NTM: variants seen among roughly 807,000 people sequenced by gnomAD.
The protein encoded by NTM is neurotrimin, also known as IgLON family member 2.
Under a neutral mutation model 42.1 loss-of-function variants are expected in NTM, and 13 were observed. That is an observed-to-expected ratio of 0.31 (90% CI 0.20 to 0.49). The LOEUF (loss-of-function observed/expected upper bound fraction) is 0.49, where lower values mean the gene tolerates loss of function less well. Ranked by LOEUF, NTM falls within the 20% of genes least tolerant of loss-of-function variation. The pLI is 0.99. For synonymous variants in NTM, 187 were observed against 179.2 expected (o/e 1.04, Z -0.35); for missense variants, 373 against 452.8 (o/e 0.82, Z 1.60).
At chr11:132,131,031 T>C (rs2066724721) in intron 2 of NTM, among the ~76,000 whole-genome samples, 1 of 152,244 alleles carries the variant, frequency 6.6e-6, no homozygotes, top group Non-Finnish European at 1.5e-5. Flanking sequence ...CATGCTGTCA[T>C]GTGCAAGGAA....
In NTM at chr11:132,002,408, G is replaced by A. The variant is rs540479935; in HGVS notation, c.167+90760G>A. Among the ~76,000 whole-genome samples, 1 of 152,284 alleles carries A rather than the reference G, an allele frequency of 6.6e-6. No homozygotes were observed. Among genetic ancestry groups the A allele is most frequent in the East Asian group, 1.9e-4 (1 of 5,186 alleles). ...CAACTGAGTTGGGAAGGTAACAGAA[G>A]GGGAAATTTTGGTTGAATAGGATAA... On this transcript the variant is annotated intron_variant, in intron 2 of 8. Transcript: ENST00000683400. This position sits in a 1 kb window ranked among gnomAD's most constrained non-coding sequence, Gnocchi z 4.5.
intron 1 of NTM, among the ~76,000 whole-genome samples, chr11:131,451,811 T>C (rs1434689932): frequency 6.6e-6 from 1 of 150,980 alleles, no homozygotes; most frequent in Admixed American, 6.6e-5. Flanking sequence ...AGGGCATGAG[T>C]GAAGGAGAGA....
chr11:131,674,602 G>T (rs1198981632), intron 1 of NTM, among the ~76,000 whole-genome samples: 1 of 152,200 alleles, frequency 6.6e-6, no homozygotes, highest in African/African-American at 2.4e-5. Flanking sequence ...GTCATTCATT[G>T]CTATGATTGT....
chr11:132,098,265 G>A (rs926335265), intron 2 of NTM, among the ~76,000 whole-genome samples: 3 of 103,082 alleles, frequency 2.9e-5, no homozygotes, highest in Non-Finnish European at 4.2e-5. Context: ...TGTGCTTGAT[G>A]TAATTAGTAT....
At chr11:131,921,918 A>AT (rs2057282108) in intron 2 of NTM, among the ~76,000 whole-genome samples, 1 of 151,978 alleles carries the variant, frequency 6.6e-6, no homozygotes, top group Non-Finnish European at 1.5e-5. Flanking sequence ...TTCTAGATTC[A>AT]TATCCCAACA....
At chr11:132,210,617 A>G (rs2082681862) in intron 3 of NTM, among the ~76,000 whole-genome samples, 1 of 152,218 alleles carries the variant, frequency 6.6e-6, no homozygotes. Flanking sequence ...CACATAAGAC[A>G]GATAAGTAGA....
intron 1 of NTM, among the ~76,000 whole-genome samples, chr11:131,479,863 GAGA>G (rs1011122937): frequency 1.3e-5 from 2 of 152,064 alleles, no homozygotes; most frequent in Admixed American, 1.3e-4. Flanking sequence ...GTGAAAGCTT[GAGA>G]AGAAATATTA....
chr11:131,648,843 A>G (rs1222872463), intron 1 of NTM, among the ~76,000 whole-genome samples: 2 of 152,200 alleles, frequency 1.3e-5, no homozygotes, highest in Non-Finnish European at 2.9e-5. Context: ...CATATATTGC[A>G]TATTTCTCTG....
At chr11:132,333,382 C>G (rs532182306) in intron 8 of NTM, among the ~76,000 whole-genome samples, 99 of 152,218 alleles carry the variant, frequency 6.5e-4, no homozygotes, top group African/African-American at 2.3e-3. Context: ...GGAGGCTTCT[C>G]TCCTTTGATT....
chr11:131,462,531 C>T (rs115534953), intron 1 of NTM, among the ~76,000 whole-genome samples: 1,607 of 152,314 alleles, frequency 0.011, 43 homozygotes, highest in African/African-American at 0.036. Flanking sequence ...TTAGTGAATT[C>T]GGTTCAGCAG....
chr11:131,602,038 T>A (rs925700618), intron 1 of NTM, among the ~76,000 whole-genome samples: 1 of 152,206 alleles, frequency 6.6e-6, no homozygotes, highest in African/African-American at 2.4e-5. Flanking sequence ...TGAATTAGGT[T>A]TAAAAAGAAA....
chr11:132,147,724 A>T (rs898953842), intron 3 of NTM, among the ~76,000 whole-genome samples: 29 of 151,956 alleles, frequency 1.9e-4, no homozygotes, highest in African/African-American at 6.5e-4. Context: ...TCAACCAGGG[A>T]CGTGTAGCTC....
chr11:131,643,626 C>T (rs577014903), intron 1 of NTM, among the ~76,000 whole-genome samples: 1 of 152,322 alleles, frequency 6.6e-6, no homozygotes, highest in Admixed American at 6.5e-5. Context: ...GAGGGGAGTG[C>T]AGGACCCCTA....
At chr11:132,116,322 G>A (rs2136848492) in intron 2 of NTM, among the ~76,000 whole-genome samples, 1 of 152,342 alleles carries the variant, frequency 6.6e-6, no homozygotes, top group Non-Finnish European at 1.5e-5. Flanking sequence ...GGTAGGGGCT[G>A]GAGCCACTGG....
intron 2 of NTM, among the ~76,000 whole-genome samples, chr11:132,054,934 T>G (rs1442041476): frequency 6.6e-6 from 1 of 152,080 alleles, no homozygotes; most frequent in Admixed American, 6.5e-5. Flanking sequence ...GAATTATCTG[T>G]GGTTAAGGGA....
chr11:132,245,543 T>G (rs2090991582), intron 4 of NTM, among the ~76,000 whole-genome samples: 1 of 151,982 alleles, frequency 6.6e-6, no homozygotes, highest in South Asian at 2.1e-4. Context: ...AATTAAGCGC[T>G]GAGGAGAGAG....
chr11:132,170,934 C>G (rs1324114150), intron 3 of NTM, among the ~76,000 whole-genome samples: 1 of 152,140 alleles, frequency 6.6e-6, no homozygotes, highest in Non-Finnish European at 1.5e-5. Flanking sequence ...TAAGTCTTCC[C>G]TTCTTCTGCT....
chr11:132,236,853 GTGA>G, intron 4 of NTM, among the ~76,000 whole-genome samples: 1 of 152,336 alleles, frequency 6.6e-6, no homozygotes, highest in South Asian at 2.1e-4. Flanking sequence ...GGAAGGCTGT[GTGA>G]TGTCGAAGGC....
At chr11:132,224,141 GA>G (rs1366171626) in intron 4 of NTM, among the ~76,000 whole-genome samples, 1 of 152,186 alleles carries the variant, frequency 6.6e-6, no homozygotes, top group Non-Finnish European at 1.5e-5. Context: ...ACTTGAGGAG[GA>G]TCCTCCACTA....
Sources: gnomAD v4.1 joint callset for allele counts (sites outside exome capture counted in the v4.1 genomes callset) on GRCh38, gnomAD v4.1.1 for gene constraint, Gnocchi (gnomAD v3.1) non-coding constraint, MANE v1.5 for transcripts, NCBI Gene and HGNC (gene_info 2026-07-23, HGNC 2026-07-21) for gene names.